The following ASTN2 variants were observed in gnomAD, a reference collection of about 807,000 sequenced individuals.
ASTN2 encodes the protein astrotactin-2.
A neutral mutation model predicts 139.8 loss-of-function variants in ASTN2; 54 were observed. That is an observed-to-expected ratio of 0.39 (90% CI 0.31 to 0.48). The LOEUF is 0.48. Ranked by LOEUF, ASTN2 falls within the 20% of genes least tolerant of loss-of-function variation. The pLI is 0.95. For synonymous variants in ASTN2, 756 were observed against 719.5 expected (o/e 1.05, Z -0.81); for missense variants, 1,565 against 1,725.1 (o/e 0.91, Z 1.64).
intron 16 of ASTN2, among the ~76,000 whole-genome samples, chr9:116,718,840 T>C: frequency 6.6e-6 from 1 of 151,916 alleles, no homozygotes; most frequent in East Asian, 1.9e-4. Context: ...AATTACACCA[T>C]CTGCTCTCCT....
intron 1 of ASTN2, among the ~76,000 whole-genome samples, chr9:117,317,791 G>C (rs1828193589): frequency 6.6e-6 from 1 of 152,184 alleles, no homozygotes. Context: ...ATGCCCCAGA[G>C]AGCCCAGCCC....
intron 16 of ASTN2, among the ~76,000 whole-genome samples, chr9:116,722,743 T>C (rs1199202947): frequency 2.0e-5 from 3 of 152,184 alleles, no homozygotes; most frequent in African/African-American, 7.2e-5. Context: ...TTGTTATCCA[T>C]GCCCTATTTG....
chr9:116,505,202 CTTT>C (rs1850056260), intron 19 of ASTN2, among the ~76,000 whole-genome samples: 1 of 151,424 alleles, frequency 6.6e-6, no homozygotes, highest in Non-Finnish European at 1.5e-5. Flanking sequence ...ATCTCGTGTG[CTTT>C]TAGTATCTGA....
chr9:116,810,021 T>G (rs1185267485), intron 12 of ASTN2, among the ~76,000 whole-genome samples: 1 of 152,216 alleles, frequency 6.6e-6, no homozygotes. Context: ...GCGTTCCCGA[T>G]GCATTCTACA....
intron 13 of ASTN2, among the ~76,000 whole-genome samples, chr9:116,792,614 T>C (rs1170319754): frequency 6.6e-6 from 1 of 152,140 alleles, no homozygotes; most frequent in Non-Finnish European, 1.5e-5. Context: ...TTTGCTACAT[T>C]ATGCACCGGG....
chr9:117,020,527 C>A (rs1275895111), intron 6 of ASTN2, among the ~76,000 whole-genome samples: 1 of 152,042 alleles, frequency 6.6e-6, no homozygotes, highest in Non-Finnish European at 1.5e-5. Context: ...AGATTATACT[C>A]ATTTATCTTC....
intron 7 of ASTN2, among the ~76,000 whole-genome samples, chr9:116,994,726 T>A (rs1836962253): frequency 6.6e-6 from 1 of 152,188 alleles, no homozygotes; most frequent in Non-Finnish European, 1.5e-5. Flanking sequence ...TCTATCACAA[T>A]AATTCTCTTG....
chr9:116,885,970 T>C (rs373818318), intron 10 of ASTN2, among the ~76,000 whole-genome samples: 2 of 152,180 alleles, frequency 1.3e-5, no homozygotes, highest in African/African-American at 4.8e-5. Context: ...ATGAAAAAAA[T>C]AGTCTTTTCT....
intron 13 of ASTN2, among the ~76,000 whole-genome samples, chr9:116,800,994 A>G (rs556773390): frequency 4.6e-5 from 7 of 152,278 alleles, no homozygotes; most frequent in South Asian, 4.1e-4. Context: ...GGAGGAGTAC[A>G]AAGCAGAACT....
intron 3 of ASTN2, among the ~76,000 whole-genome samples, chr9:117,169,591 C>T (rs977376045): frequency 4.6e-5 from 7 of 152,026 alleles, no homozygotes; most frequent in Admixed American, 2.6e-4. Flanking sequence ...CAGGATGATG[C>T]GGCAGAAGGA....
At chr9:116,521,213 A>C (rs974813541) in intron 19 of ASTN2, among the ~76,000 whole-genome samples, 5 of 152,122 alleles carry the variant, frequency 3.3e-5, no homozygotes, top group Admixed American at 3.3e-4. Flanking sequence ...CTAAACAACA[A>C]ATCTGGAGAC....
chr9:117,387,040 CT>C (rs1487859806), intron 1 of ASTN2, among the ~76,000 whole-genome samples: 5 of 152,180 alleles, frequency 3.3e-5, no homozygotes, highest in African/African-American at 1.2e-4. Flanking sequence ...AGTCTACACC[CT>C]GTTGATCTCC....
At position 116,697,991 on chromosome 9, in the gene ASTN2, A is replaced by C. The variant is rs1860957711; in HGVS notation, c.2806+27780T>G. The stretch of plus-strand genomic sequence containing the variant: ...AGCTGACAGACAATCTGACAGTGCT[A>C]AAGATCATTGATACAGCTGGGCTCA... On this transcript the variant is annotated intron_variant, in intron 16 of 22. Transcript: ENST00000313400. The C allele has an allele frequency of 6.2e-7, 1 of 1,614,176 alleles. No homozygotes were observed. Among genetic ancestry groups the C allele is most frequent in the Non-Finnish European group, 8.5e-7 (1 of 1,180,044 alleles).
intron 2 of ASTN2, among the ~76,000 whole-genome samples, chr9:117,274,724 G>A (rs1834145902): frequency 6.6e-6 from 1 of 152,204 alleles, no homozygotes; most frequent in Middle Eastern, 3.2e-3. Flanking sequence ...CTCCATCACT[G>A]TAAGGTTCTG....
intron 5 of ASTN2, among the ~76,000 whole-genome samples, chr9:117,071,586 A>G (rs1381251401): frequency 6.7e-6 from 1 of 150,208 alleles, no homozygotes; most frequent in African/African-American, 2.5e-5. Flanking sequence ...AAGCCTGGGC[A>G]ATGGCGGGCG....
chr9:116,534,784 T>C (rs1247541301), intron 19 of ASTN2, among the ~76,000 whole-genome samples: 2 of 152,202 alleles, frequency 1.3e-5, no homozygotes, highest in Admixed American at 6.5e-5. Flanking sequence ...CTTCCAACTA[T>C]GTGGTCAATT....
chr9:116,747,316 A>G (rs1435835229), intron 13 of ASTN2, among the ~76,000 whole-genome samples: 3 of 152,234 alleles, frequency 2.0e-5, no homozygotes, highest in Non-Finnish European at 4.4e-5. Flanking sequence ...GTTCTTAAAC[A>G]CTATGCAAAA....
Position 117,390,538 on chromosome 9 carries a change from T to C in ASTN2, c.442+23959A>G, listed in dbSNP as rs145404221. On this transcript the variant is annotated intron_variant, in intron 1 of 22. Transcript: ENST00000313400. ...CCTACTAGTCCTGACAACTGATCTT[T>C]TTCTTGTCTCCATAGTCTTGCCTTT... is the stretch of plus-strand genomic sequence containing the variant. Among the ~76,000 whole-genome samples the C allele has an allele frequency of 7.0e-4, 107 of 152,354 alleles. 1 individual carries two copies. In the East Asian group the frequency reaches 0.015, roughly 21 times the overall value.
chr9:116,732,175 G>A (rs1447143400), intron 14 of ASTN2, among the ~76,000 whole-genome samples: 5 of 152,286 alleles, frequency 3.3e-5, no homozygotes, highest in South Asian at 2.1e-4. Context: ...AGTCAAGACC[G>A]ACTTTGTTTA....
Sources: allele counts gnomAD v4.1 joint callset (sites outside exome capture counted in the v4.1 genomes callset), GRCh38; gene constraint gnomAD v4.1.1; transcripts MANE v1.5; gene names NCBI Gene and HGNC (gene_info 2026-07-23, HGNC 2026-07-21).